PVT1: variants seen among roughly 807,000 people sequenced by gnomAD.
PVT1 encodes the protein Pvt1 oncogene, also known as CXCR4/PVT1 fusion.
intron 2 of PVT1, among the ~76,000 whole-genome samples, chr8:127,811,811 T>C (rs545537511): frequency 5.9e-5 from 9 of 152,204 alleles, no homozygotes; most frequent in Admixed American, 6.5e-5. Context: ...TCGGCTGTTA[T>C]TAAGCAACAG....
At chr8:127,809,862 C>T (rs1052721743) in intron 2 of PVT1, among the ~76,000 whole-genome samples, 3 of 152,216 alleles carry the variant, frequency 2.0e-5, no homozygotes, top group African/African-American at 7.2e-5. Context: ...AGCCAATCTT[C>T]GCACTTAGAG....
At chr8:128,074,891 G>A (rs2130141520) in intron 5 of PVT1, among the ~76,000 whole-genome samples, 1 of 152,304 alleles carries the variant, frequency 6.6e-6, no homozygotes, top group South Asian at 2.1e-4. Flanking sequence ...CAGCAATTTT[G>A]GCAGAGCCAT....
chr8:127,855,702 G>A (rs1815153178), intron 2 of PVT1, among the ~76,000 whole-genome samples: 1 of 152,228 alleles, frequency 6.6e-6, no homozygotes, highest in Non-Finnish European at 1.5e-5. Flanking sequence ...CCCCACCAGC[G>A]AGGTTGCTCA....
chr8:127,816,760 G>A (rs188619141), intron 2 of PVT1, among the ~76,000 whole-genome samples: 1 of 152,230 alleles, frequency 6.6e-6, no homozygotes, highest in East Asian at 1.9e-4. Flanking sequence ...CTGACCTCAG[G>A]TGATCCACCC....
chr8:128,080,968 T>G (rs1814169524), intron 5 of PVT1, among the ~76,000 whole-genome samples: 2 of 152,358 alleles, frequency 1.3e-5, no homozygotes, highest in South Asian at 4.1e-4. Context: ...AAAAAAATTA[T>G]CTTTCCTCGA....
At chr8:127,992,255 A>G (rs545361940) in intron 4 of PVT1, among the ~76,000 whole-genome samples, 7 of 152,180 alleles carry the variant, frequency 4.6e-5, no homozygotes, top group Admixed American at 3.3e-4. Flanking sequence ...GCATGGTGGC[A>G]CACGCCTGTA....
intron 3 of PVT1, chr8:127,940,309 C>T (rs554528350): frequency 6.6e-6 from 1 of 152,002 alleles, no homozygotes; most frequent in African/African-American, 2.4e-5. Context: ...AGAGTCAGCC[C>T]AAAATACAGT....
intron 2 of PVT1, among the ~76,000 whole-genome samples, chr8:127,861,532 T>C (rs1815228214): frequency 6.6e-6 from 1 of 150,788 alleles, no homozygotes; most frequent in African/African-American, 2.4e-5. Flanking sequence ...CTTGTTGTCT[T>C]GCTTTCAGAT....
intron 2 of PVT1, among the ~76,000 whole-genome samples, chr8:127,824,180 C>CA (rs1203608697): frequency 6.6e-6 from 1 of 151,252 alleles, no homozygotes; most frequent in Non-Finnish European, 1.5e-5. Context: ...GACCCTATCT[C>CA]AAAAAAAAGG....
At chr8:127,970,728 A>T (rs1041749115) in intron 3 of PVT1, among the ~76,000 whole-genome samples, 6 of 152,120 alleles carry the variant, frequency 3.9e-5, no homozygotes, top group African/African-American at 1.4e-4. Context: ...GCTATGTAAG[A>T]CACCTCCCCA....
intron 3 of PVT1, among the ~76,000 whole-genome samples, chr8:127,894,792 G>C (rs1222182921): frequency 6.6e-6 from 1 of 152,186 alleles, no homozygotes; most frequent in Admixed American, 6.5e-5. Context: ...TTCTATTTGC[G>C]GTACTCTGGC....
intron 4 of PVT1, among the ~76,000 whole-genome samples, chr8:127,994,513 T>C (rs933516691): frequency 6.6e-6 from 1 of 152,180 alleles, no homozygotes; most frequent in Non-Finnish European, 1.5e-5. Flanking sequence ...AATATACAGA[T>C]GTATTAGTCA....
chr8:128,084,859 T>C (rs190581383), intron 5 of PVT1, among the ~76,000 whole-genome samples: 107 of 152,336 alleles, frequency 7.0e-4, no homozygotes, highest in Middle Eastern at 3.4e-3. Flanking sequence ...ATGAACCCTC[T>C]TGCATTGGTT....
chr8:127,991,768 A>G (rs975615922), intron 4 of PVT1, among the ~76,000 whole-genome samples: 11 of 152,182 alleles, frequency 7.2e-5, no homozygotes, highest in Non-Finnish European at 1.6e-4. Flanking sequence ...GTTCTATGAC[A>G]GAACCTGAAG....
chr8:127,969,874 C>T (rs953939726), intron 3 of PVT1, among the ~76,000 whole-genome samples: 3 of 152,178 alleles, frequency 2.0e-5, no homozygotes, highest in Non-Finnish European at 4.4e-5. Flanking sequence ...ACTATTGGCC[C>T]AGGACAAAAG....
At chr8:128,031,222 G>A (rs1475419154) in intron 4 of PVT1, among the ~76,000 whole-genome samples, 1 of 152,242 alleles carries the variant, frequency 6.6e-6, no homozygotes, top group Non-Finnish European at 1.5e-5. Flanking sequence ...GTGGCGGGTG[G>A]CTGGCAGGGG....
chr8:127,991,146 T>C (rs1374370450), intron 4 of PVT1, among the ~76,000 whole-genome samples: 16 of 140,248 alleles, frequency 1.1e-4, no homozygotes, highest in African/African-American at 4.1e-4. Context: ...CTTTCTTTTT[T>C]TTTTTTTTTT....
chr8:128,018,361 G>T (rs77641957), intron 4 of PVT1, among the ~76,000 whole-genome samples: 4 of 152,314 alleles, frequency 2.6e-5, no homozygotes, highest in Non-Finnish European at 5.9e-5. Context: ...CCAGGAAGTG[G>T]GCAGCAGCCC....
At chr8:127,817,018 C>G (rs1265575961) in intron 2 of PVT1, among the ~76,000 whole-genome samples, 1 of 151,916 alleles carries the variant, frequency 6.6e-6, no homozygotes, top group Non-Finnish European at 1.5e-5. Flanking sequence ...CCCCCCACCC[C>G]CTCCCGATAC....
Sources: gnomAD v4.1 joint callset for allele counts (sites outside exome capture counted in the v4.1 genomes callset) on GRCh38, gnomAD v4.1.1 for gene constraint, MANE v1.5 for transcripts, NCBI Gene and HGNC (gene_info 2026-07-23, HGNC 2026-07-21) for gene names.